COL4A4: variants seen among roughly 807,000 people sequenced by gnomAD.
COL4A4 encodes the protein collagen alpha-4(IV) chain.
A neutral mutation model predicts 192.9 loss-of-function variants in COL4A4; 105 were observed. The ratio of observed to expected loss-of-function variants is 0.54; its 90% CI spans 0.46 to 0.64. COL4A4 has a LOEUF of 0.64. Ranked by LOEUF, COL4A4 falls within the 30% of genes least tolerant of loss-of-function variation. COL4A4 has a pLI of 0.00. For synonymous variants in COL4A4, 762 were observed against 769.9 expected (o/e 0.99, Z 0.17); for missense variants, 1,967 against 2,169.3 (o/e 0.91, Z 1.85).
rs143042825 is a variant in COL4A4, at chr2:227,063,081, G to T, written c.1988-483C>A. Among the ~76,000 whole-genome samples, 236 of 152,286 alleles carry T rather than the reference G, an allele frequency of 1.5e-3. 1 individual carries two copies. The highest frequency in any genetic ancestry group is 5.5e-3 in the African/African-American group (227 of 41,564). On this transcript the variant is annotated intron_variant, in intron 25 of 47. Coordinates refer to ENST00000396625, the MANE Select transcript of COL4A4 (RefSeq NM_000092.5). ...ATGGAGAAATTGTGCAAATGAAGAG[G>T]CTGGGCTAAATGTGAATAGCTACCA...
chr2:227,093,743 G>A (rs1490676047), intron 20 of COL4A4, among the ~76,000 whole-genome samples: 1 of 151,964 alleles, frequency 6.6e-6, no homozygotes, highest in Non-Finnish European at 1.5e-5. Context: ...CCAGCTCTAT[G>A]TATGTTAAAC....
intron 4 of COL4A4, among the ~76,000 whole-genome samples, chr2:227,131,218 C>T (rs917160508): frequency 5.3e-5 from 8 of 150,976 alleles, no homozygotes; most frequent in Non-Finnish European, 8.8e-5. Flanking sequence ...TGCAGTGGCA[C>T]GATCTCGGCC....
At chr2:227,136,790 G>C (rs1576786787) in intron 4 of COL4A4, among the ~76,000 whole-genome samples, 2 of 152,182 alleles carry the variant, frequency 1.3e-5, no homozygotes, top group Non-Finnish European at 2.9e-5. Context: ...ACCTGTAAGA[G>C]AGGAACACTT....
chr2:227,024,066 T>C (rs1352183025), intron 43 of COL4A4, among the ~76,000 whole-genome samples: 1 of 151,400 alleles, frequency 6.6e-6, no homozygotes, highest in Admixed American at 6.6e-5. Flanking sequence ...TAAGTGACAC[T>C]TCTGTGGTGA....
rs565108006 is a variant in COL4A4, at chr2:227,099,503, G to A, written c.1099+117C>T. 8.6e-5 allele frequency: 74 copies of A among 862,908 alleles called. 1 individual carries two copies. In the Middle Eastern group the frequency reaches 2.9e-3, roughly 34 times the overall value. The allele number at this position is 862,908 out of a possible 1,614,324, so 53.5% of individuals were successfully genotyped here. A position where few individuals can be genotyped will look rare whatever the true frequency, so the allele number is the denominator to read the frequency against. On this transcript the variant is annotated intron_variant, in intron 18 of 47. Transcript: ENST00000396625. The stretch of plus-strand genomic sequence containing the variant: ...TAATTATACACTCATGCTACAGTTC[G>A]TGCATTCAGCCTGCCTAGTGTGCAA...
At chr2:227,097,467 C>A (rs1012886880) in intron 19 of COL4A4, among the ~76,000 whole-genome samples, 5 of 152,052 alleles carry the variant, frequency 3.3e-5, no homozygotes, top group African/African-American at 1.2e-4. Flanking sequence ...GGGTCATAGT[C>A]AAGATTTGAA....
At chr2:227,034,642 T>G (rs1969201310) in intron 37 of COL4A4, among the ~76,000 whole-genome samples, 1 of 151,272 alleles carries the variant, frequency 6.6e-6, no homozygotes, top group East Asian at 1.9e-4. Flanking sequence ...TGTATACATG[T>G]GCCATGCTGG....
intron 22 of COL4A4, 94 bp downstream of exon 22, chr2:227,088,559 T>C: frequency 6.7e-7 from 1 of 1,482,792 alleles, no homozygotes; most frequent in Non-Finnish European, 9.4e-7. Context: ...CTTAATAAAT[T>C]ACCTAGTCTT....
At chr2:227,077,305 A>G (rs897997912) in intron 25 of COL4A4, among the ~76,000 whole-genome samples, 2 of 152,240 alleles carry the variant, frequency 1.3e-5, no homozygotes, top group Non-Finnish European at 2.9e-5. Context: ...TATACTATGC[A>G]GCCATAAAAA....
the COL4A4 span, among the ~76,000 whole-genome samples, chr2:226,994,236 G>A: frequency 6.6e-6 from 1 of 152,196 alleles, no homozygotes; most frequent in Admixed American, 6.5e-5. Context: ...CAGCTACTGT[G>A]TGTTCAGAAC....
intron 4 of COL4A4, among the ~76,000 whole-genome samples, chr2:227,125,694 C>A (rs1181108337): frequency 6.6e-6 from 1 of 152,152 alleles, no homozygotes; most frequent in Non-Finnish European, 1.5e-5. Context: ...GCTGTCCTGT[C>A]CCGGGAGCGC....
At position 227,010,653 on chromosome 2, in the gene COL4A4, T is replaced by A. The variant is rs10194663; in HGVS notation, c.4334-152A>T. ...CCTCGCCTTCTGGAACGTACACAGC[T>A]ACACAGCTGCAGTACATAGAACAAC... is the stretch of plus-strand genomic sequence containing the variant. On this transcript the variant is annotated intron_variant, in intron 45 of 47. Coordinates refer to ENST00000396625, the MANE Select transcript of COL4A4 (RefSeq NM_000092.5). 250,950 of 567,420 alleles carry A rather than the reference T, an allele frequency of 0.44. 57,825 individuals carry two copies. Among genetic ancestry groups the A allele is most frequent in the African/African-American group, 0.6 (32,153 of 53,578 alleles). 35.1% of individuals were successfully genotyped at this position (567,420 alleles called of 1,614,324 possible).
intron 1 of COL4A4, among the ~76,000 whole-genome samples, chr2:227,160,713 A>G (rs889034425): frequency 1.3e-5 from 2 of 152,226 alleles, no homozygotes; most frequent in African/African-American, 4.8e-5. Context: ...AACTCTGATA[A>G]TTACATAGAA....
rs1459000453 is a variant in COL4A4 at position 227,119,957 on chromosome 2, A to G, written c.328-18T>C. The G allele has an allele frequency of 6.5e-7, 1 of 1,546,278 alleles. No homozygotes were observed. On this transcript the variant is annotated intron_variant, in intron 5 of 47. Coordinates refer to ENST00000396625, the MANE Select transcript of COL4A4 (RefSeq NM_000092.5). The stretch of plus-strand genomic sequence containing the variant: ...GTTGGACCCTAAAATCCCAGAAAAT[A>G]AAACAAAGAGATAAAAATTATTAAA...
rs200668675 is a variant in COL4A4 at position 227,140,163 on chromosome 2, G to A, written c.190C>T (p.Arg64Trp). ...ATGTTGGTCTTTACATCACTTACCC[G>A]AGACCCCTTTTCAGGAACACAGTGG... Reference protein sequence around the residue: ...VCHCVPEKGSRGPPGPPGPQG... With the variant: ...VCHCVPEKGSWGPPGPPGPQG... Residue 64 changes from arginine (R) to tryptophan (W), a missense_variant and splice_region_variant, in exon 4 of 48, where the codon CGG becomes TGG. Arg to Trp is a moderately radical substitution (Grantham distance 101). Transcript: ENST00000396625. 2.9e-5 allele frequency: 46 copies of A among 1,613,312 alleles called. No individual in the cohort carries two copies. In the Admixed American group the frequency reaches 3.3e-4, roughly 12 times the overall value.
chr2:227,059,434 CT>C lies in COL4A4; in HGVS notation c.2353del (p.Arg785GlufsTer19). On this transcript the variant is annotated frameshift_variant, in exon 28 of 48. Coordinates refer to ENST00000396625, the MANE Select transcript of COL4A4 (RefSeq NM_000092.5). LOFTEE classifies it high-confidence loss of function. ...LSGVPGIKGP[R>X]GDPGCPGAEG... ...AGCCCCTGGACATCCCGGATCACCT[CT>C]GGGTCCTTTTATCCCTGGCACTCCT... 6.2e-7 allele frequency: 1 copy of C among 1,614,206 alleles called. No individual in the cohort carries two copies. Among genetic ancestry groups the C allele is most frequent in the Non-Finnish European group, 8.5e-7 (1 of 1,180,040 alleles).
At chr2:227,154,804 A>T (rs1033592246) in intron 1 of COL4A4, among the ~76,000 whole-genome samples, 1 of 152,194 alleles carries the variant, frequency 6.6e-6, no homozygotes, top group Non-Finnish European at 1.5e-5. Flanking sequence ...ATTCACATCC[A>T]TCTACCTGGA....
chr2:227,136,656 A>G (rs2062833160), intron 4 of COL4A4, among the ~76,000 whole-genome samples: 1 of 152,166 alleles, frequency 6.6e-6, no homozygotes, highest in Admixed American at 6.5e-5. Context: ...TAAATTGCGA[A>G]CCATGGCCGT....
chr2:227,043,096 A>T lies in COL4A4; in HGVS notation c.3378T>A (p.Ser1126=). The change falls in exon 36 of 48, where the codon TCT becomes TCA. Residue 1126 remains serine, a synonymous_variant. Coordinates refer to ENST00000396625, the MANE Select transcript of COL4A4 (RefSeq NM_000092.5). ...SPGRPGPPGS[S]GPPGCPGDHG... ...AGGTACCTGGGCACCCTGGTGGTCCAGAGGAGCCAGGTGGCCCTGGCCTTC... is the reference window on the plus strand; with the variant it reads ...AGGTACCTGGGCACCCTGGTGGTCCTGAGGAGCCAGGTGGCCCTGGCCTTC... The T allele has an allele frequency of 6.2e-7, 1 of 1,613,482 alleles. No individual in the cohort carries two copies. The highest frequency in any genetic ancestry group is 1.3e-5 in the African/African-American group (1 of 75,044).
Sources: allele counts gnomAD v4.1 joint callset (sites outside exome capture counted in the v4.1 genomes callset), GRCh38; gene constraint gnomAD v4.1.1; transcripts MANE v1.5; gene names NCBI Gene and HGNC (gene_info 2026-07-23, HGNC 2026-07-21).